Variants in SCARB1 observed in about 807,000 individuals in gnomAD.
SCARB1 encodes the protein CD36 and LIMPII analogous 1.
SCARB1 carries 30 observed loss-of-function variants against 57.2 expected under a neutral mutation model. The ratio of observed to expected loss-of-function variants is 0.52; its 90% CI spans 0.39 to 0.71. SCARB1 has a LOEUF of 0.71. SCARB1 is among the 30% of genes least tolerant of loss of function. SCARB1 has a pLI of 0.00. For synonymous variants in SCARB1, 249 were observed against 268.3 expected (o/e 0.93, Z 0.70); for missense variants, 543 against 671.2 (o/e 0.81, Z 2.11).
rs370318228 is a variant in SCARB1, at chr12:124,800,121, C to T, written c.1128+3G>A. 6.2e-6 allele frequency: 10 copies of T among 1,607,464 alleles called. No homozygotes were observed. Among genetic ancestry groups the T allele is most frequent in the East Asian group, 2.2e-5 (1 of 44,848 alleles). On this transcript the variant is annotated splice_donor_region_variant and intron_variant, in intron 8 of 12. Transcript: ENST00000261693. The surrounding 1 kb of genome is among the most constrained non-coding windows in gnomAD (Gnocchi z 4.8). ...CCCCCCACAGAGGATGGCAGGGGCT[C>T]ACCGGGTGGATGTCCAGGAACAAGG...
intron 1 of SCARB1, among the ~76,000 whole-genome samples, chr12:124,853,187 G>A (rs1952488943): frequency 6.6e-6 from 1 of 152,234 alleles, no homozygotes; most frequent in Middle Eastern, 3.4e-3. Flanking sequence ...GACGGTCCAG[G>A]CAGAAAGAAA....
chr12:124,814,126 G>T lies in SCARB1; in HGVS notation c.630+76C>A. 1 of 1,375,728 alleles carries T rather than the reference G, an allele frequency of 7.3e-7. No individual in the cohort carries two copies. Among genetic ancestry groups the T allele is most frequent in the Non-Finnish European group, 1.0e-6 (1 of 963,892 alleles). 85.2% of individuals were successfully genotyped at this position (1,375,728 alleles called of 1,614,324 possible). A position where few individuals can be genotyped will look rare whatever the true frequency, so the allele number is the denominator to read the frequency against. On this transcript the variant is annotated intron_variant, in intron 4 of 12. Transcript: ENST00000261693. The surrounding 1 kb of genome is among the most constrained non-coding windows in gnomAD (Gnocchi z 4.7). ...CCAGCCAGCTACAAAGCAAGCTGGT[G>T]ACCAGTGTCCAGGCTGTGTGAGGGG...
At position 124,850,026 on chromosome 12, in the gene SCARB1, T is replaced by C. The variant is rs1395796188; in HGVS notation, c.126+13569A>G. Among the ~76,000 whole-genome samples the C allele has an allele frequency of 1.6e-5, 2 of 126,012 alleles. 1 individual carries two copies. The highest frequency in any genetic ancestry group is 3.5e-5 in the Non-Finnish European group (2 of 56,722). The allele number at this position is 126,012 out of a possible 152,430, so 82.7% of individuals were successfully genotyped here. ...CTGCAGTGAGCCGTAATCATGCCAC[T>C]GCACTCCAGCTTGGGTGACAGAGTG... On this transcript the variant is annotated intron_variant, in intron 1 of 12. Transcript: ENST00000261693.
chr12:124,791,083 C>G (rs1040002048), intron 9 of SCARB1, among the ~76,000 whole-genome samples: 3 of 152,212 alleles, frequency 2.0e-5, no homozygotes, highest in African/African-American at 7.2e-5. Flanking sequence ...GGCACTCAGT[C>G]TCTCTAGCGG....
At chr12:124,791,119 G>A (rs766981877) in intron 9 of SCARB1, among the ~76,000 whole-genome samples, 3 of 152,214 alleles carry the variant, frequency 2.0e-5, no homozygotes, top group Non-Finnish European at 2.9e-5. Flanking sequence ...GACATGTCAC[G>A]TGGGTTGTCA....
At chr12:124,821,684 G>T in intron 1 of SCARB1, 1 of 341,956 alleles carries the variant, frequency 2.9e-6, no homozygotes, top group Non-Finnish European at 4.1e-6. Context: ...CTCATGGGCT[G>T]CTGTGAGGTT....
chr12:124,794,400 CTTTTTTTT>C (rs3043265), intron 9 of SCARB1, among the ~76,000 whole-genome samples: 1 of 119,912 alleles, frequency 8.3e-6, no homozygotes, highest in East Asian at 2.6e-4. Flanking sequence ...TTGAAAAATT[CTTTTTTTT>C]TTTTTTTTTT....
chr12:124,854,750 G>A (rs774695326), intron 1 of SCARB1, among the ~76,000 whole-genome samples: 1 of 152,182 alleles, frequency 6.6e-6, no homozygotes, highest in African/African-American at 2.4e-5. Flanking sequence ...AAGATGGGGG[G>A]GCTATGATGG....
At chr12:124,787,321 C>A in intron 10 of SCARB1, 85 bp downstream of exon 10, 4 of 1,289,268 alleles carry the variant, frequency 3.1e-6, no homozygotes, top group Non-Finnish European at 4.4e-6. Context: ...TCCCTTTCTA[C>A]AAGCTGCTCC....
Position 124,810,344 on chromosome 12 carries a change from G to T in SCARB1, c.727-55C>A. 2 of 1,247,554 alleles carry T rather than the reference G, an allele frequency of 1.6e-6. No individual in the cohort carries two copies. Among genetic ancestry groups the T allele is most frequent in the Non-Finnish European group, 2.4e-6 (2 of 847,154 alleles). 77.3% of individuals were successfully genotyped at this position (1,247,554 alleles called of 1,614,324 possible). On this transcript the variant is annotated intron_variant, in intron 5 of 12. Coordinates refer to ENST00000261693, the MANE Select transcript of SCARB1 (RefSeq NM_005505.5). This position sits in a 1 kb window ranked among gnomAD's most constrained non-coding sequence, Gnocchi z 4.0. ...CAGTAGGGCCAAGGCCCCTTAATAA[G>T]CCCTCTCAGGTGCTGCACACCTAAC...
Position 124,778,333 on chromosome 12 carries a change from T to C in SCARB1, c.*254A>G. 1 of 920,230 alleles carries C rather than the reference T, an allele frequency of 1.1e-6. No individual in the cohort carries two copies. Among genetic ancestry groups the C allele is most frequent in the African/African-American group, 1.7e-5 (1 of 58,204 alleles). The allele number at this position is 920,230 out of a possible 1,614,324, so 57.0% of individuals were successfully genotyped here. A position where few individuals can be genotyped will look rare whatever the true frequency, so the allele number is the denominator to read the frequency against. The stretch of plus-strand genomic sequence containing the variant: ...AGAGAAGGTTCCAGAACAGTGCTTG[T>C]TGACGAGCCTCTCCCTACAAGTCCC... On this transcript the variant is annotated 3_prime_UTR_variant, in exon 13 of 13. Coordinates refer to ENST00000261693, the MANE Select transcript of SCARB1 (RefSeq NM_005505.5).
intron 12 of SCARB1, among the ~76,000 whole-genome samples, chr12:124,779,870 G>A (rs1051647151): frequency 6.6e-6 from 1 of 152,166 alleles, no homozygotes; most frequent in Non-Finnish European, 1.5e-5. Flanking sequence ...CTGCTGCACT[G>A]AGCCAGGCGC....
At position 124,837,530 on chromosome 12, in the gene SCARB1, A is replaced by AGGG. The variant is rs201026308; in HGVS notation, c.127-19824_127-19823insCCC. On this transcript the variant is annotated intron_variant, in intron 1 of 12. Transcript: ENST00000261693. ...GAGAAAAAAGAAAAGAAAGGAAAGA[A>AGGG]AAAGAAAGAAAAGAAAAGAAAAGAA... 1.3e-3 allele frequency among the ~76,000 whole-genome samples: 128 copies of AGGG among 98,766 alleles called. 5 individuals carry two copies. Among genetic ancestry groups the AGGG allele is most frequent in the African/African-American group, 5.1e-3 (118 of 23,268 alleles). 64.8% of individuals were successfully genotyped at this position (98,766 alleles called of 152,430 possible).
In SCARB1 at chr12:124,791,309, G is replaced by T. The variant is rs537727986; in HGVS notation, c.1203-3852C>A. On this transcript the variant is annotated intron_variant, in intron 9 of 12. Coordinates refer to ENST00000261693, the MANE Select transcript of SCARB1 (RefSeq NM_005505.5). ...ATATGCTTCGTCCTGAGGCTTCCCA[G>T]CAAATCGTCGAGCCTGCGGTGGCCT... 1.5e-4 allele frequency among the ~76,000 whole-genome samples: 23 copies of T among 152,272 alleles called. No homozygotes were observed. In the East Asian group the frequency reaches 4.1e-3, roughly 27 times the overall value.
chr12:124,839,651 G>A (rs7138492), intron 1 of SCARB1: 56,389 of 93,880 alleles, frequency 0.6, 19,817 homozygotes, highest in East Asian at 0.98. Flanking sequence ...CATTCCCAAC[G>A]GCACACATGG....
At chr12:124,835,489 T>C (rs1951609256) in intron 1 of SCARB1, among the ~76,000 whole-genome samples, 3 of 152,248 alleles carry the variant, frequency 2.0e-5, no homozygotes, top group African/African-American at 7.2e-5. Flanking sequence ...CAGGCTGGTC[T>C]GAAACTCCTG....
chr12:124,791,848 C>T (rs1430836896), intron 9 of SCARB1, among the ~76,000 whole-genome samples: 7 of 151,586 alleles, frequency 4.6e-5, no homozygotes, highest in East Asian at 1.9e-4. Context: ...CCCAGCTACG[C>T]GGGAGGCTGA....
chr12:124,808,758 G>A (rs904898190), intron 6 of SCARB1, among the ~76,000 whole-genome samples: 4 of 151,950 alleles, frequency 2.6e-5, no homozygotes, highest in Admixed American at 1.3e-4. Context: ...TGTCCATCCC[G>A]CCCTTGACAT....
At chr12:124,786,079 G>A in intron 11 of SCARB1, 1 of 1,526,052 alleles carries the variant, frequency 6.6e-7, no homozygotes, top group Non-Finnish European at 8.8e-7. Flanking sequence ...GATGATGCAA[G>A]TACCAGGTCT....
Sources: gnomAD v4.1 joint callset for allele counts (sites outside exome capture counted in the v4.1 genomes callset) on GRCh38, gnomAD v4.1.1 for gene constraint, Gnocchi (gnomAD v3.1) non-coding constraint, MANE v1.5 for transcripts, NCBI Gene and HGNC (gene_info 2026-07-23, HGNC 2026-07-21) for gene names.